The following SEZ6L variants were observed in gnomAD, a reference collection of about 807,000 sequenced individuals.
SEZ6L encodes the protein seizure 6-like protein.
SEZ6L carries 37 observed loss-of-function variants against 106.2 expected under a neutral mutation model. The observed-to-expected ratio is 0.35, with a 90% CI of 0.27 to 0.46. The LOEUF (loss-of-function observed/expected upper bound fraction) is 0.46. Ranked by LOEUF, SEZ6L falls within the 20% of genes least tolerant of loss-of-function variation. The pLI, the probability that SEZ6L is intolerant of heterozygous loss-of-function variation, is 1.00. For synonymous variants in SEZ6L, 541 were observed against 570.4 expected, an observed-to-expected ratio of 0.95 and a Z score of 0.73; for missense variants, 1,172 against 1,332.8, an observed-to-expected ratio of 0.88 and a Z score of 1.88.
At chr22:26,338,742 G>C (rs1418625474) in intron 9 of SEZ6L, among the ~76,000 whole-genome samples, 13 of 151,860 alleles carry the variant, frequency 8.6e-5, no homozygotes, top group African/African-American at 3.1e-4. Flanking sequence ...TTTTTTAGTA[G>C]AGACGGGGTT....
chr22:26,351,108 C>T lies in SEZ6L; in HGVS notation c.2464C>T (p.Pro822Ser), dbSNP rs2083263671. Residue 822 changes from proline to serine, a missense_variant, in exon 12 of 17, where the codon CCT (proline) becomes TCT (serine). Around this residue, in one of 4 missense-constraint regions of SEZ6L, gnomAD observed 534 missense variants for 691.0 expected, o/e 0.77. Coordinates refer to ENST00000248933, the MANE Select transcript of SEZ6L (RefSeq NM_021115.5). The stretch of plus-strand genomic sequence containing the variant: ...TCACTCGACCCGCTTAATTTCGGAT[C>T]CTGTGCTGCTGGTGGGGACCACCAT... ...VDHSTRLISD[P>S]VLLVGTTIQY... The T allele has an allele frequency of 6.2e-7, 1 of 1,614,090 alleles. No homozygotes were observed. Among genetic ancestry groups the T allele is most frequent in the Admixed American group, 1.7e-5 (1 of 60,004 alleles).
intron 1 of SEZ6L, among the ~76,000 whole-genome samples, chr22:26,186,164 G>C (rs879669943): frequency 6.6e-6 from 1 of 152,054 alleles, no homozygotes; most frequent in Non-Finnish European, 1.5e-5. Context: ...GGGAACGGCT[G>C]AGCCAGGGAC....
At chr22:26,331,180 A>G (rs1175797181) in intron 9 of SEZ6L, among the ~76,000 whole-genome samples, 1 of 152,206 alleles carries the variant, frequency 6.6e-6, no homozygotes, top group African/African-American at 2.4e-5. Context: ...ATGCTTAGGC[A>G]TACACTGCCC....
intron 1 of SEZ6L, among the ~76,000 whole-genome samples, chr22:26,175,237 G>A (rs1938899167): frequency 6.6e-6 from 1 of 152,294 alleles, no homozygotes; most frequent in South Asian, 2.1e-4. Flanking sequence ...ATTGAAGTGA[G>A]TCATAAGGTA....
At chr22:26,324,538 T>C (rs116493939) in intron 9 of SEZ6L, among the ~76,000 whole-genome samples, 1,627 of 152,326 alleles carry the variant, frequency 0.011, 24 homozygotes, top group African/African-American at 0.038. Context: ...GTAAGAATTC[T>C]ACCTGAGAGC....
chr22:26,380,512 A>G lies in SEZ6L; in HGVS notation c.*217A>G, dbSNP rs988114468. On this transcript the variant is annotated 3_prime_UTR_variant, in exon 17 of 17. Transcript: ENST00000248933. ...ATGTTTCGCGGCCTCAGCCAAATTC[A>G]TGTTACAGCCTCAATTCTGAAGGCA... The G allele has an allele frequency of 6.8e-6, 3 of 440,094 alleles. No homozygotes were observed. The highest frequency in any genetic ancestry group is 3.3e-5 in the East Asian group (1 of 30,676). The allele number at this position is 440,094 out of a possible 1,614,324, so 27.3% of individuals were successfully genotyped here.
chr22:26,234,803 T>A (rs1339813425), intron 1 of SEZ6L, among the ~76,000 whole-genome samples: 1 of 152,198 alleles, frequency 6.6e-6, no homozygotes, highest in African/African-American at 2.4e-5. Context: ...CAGCCACATA[T>A]ACAAATAATT....
intron 1 of SEZ6L, among the ~76,000 whole-genome samples, chr22:26,248,662 A>G (rs1209383): frequency 0.21 from 32,510 of 152,190 alleles, 4,063 homozygotes; most frequent in South Asian, 0.32. Context: ...TGCATCGAAG[A>G]TCCTCTCTTG....
Position 26,380,277 on chromosome 22 carries a change from G to A in SEZ6L, c.3057G>A (p.Glu1019=). The A allele has an allele frequency of 6.2e-7, 1 of 1,613,714 alleles. No individual in the cohort carries two copies. The highest frequency in any genetic ancestry group is 2.2e-5 in the East Asian group (1 of 44,880). The change falls in exon 17 of 17, where the codon GAG becomes GAA. Residue 1019 remains glutamate, a synonymous_variant. Transcript: ENST00000248933. The stretch of plus-strand genomic sequence containing the variant: ...TCTCTCTCTTGCAGGAAACCAGAGA[G>A]TATGAGGTTTCTATCTAAAGAGAGC... ...NPIYETGETR[E]YEVSI is the part of the protein sequence containing the mutation.
intron 1 of SEZ6L, among the ~76,000 whole-genome samples, chr22:26,172,227 G>T (rs879700512): frequency 2.0e-5 from 3 of 152,056 alleles, no homozygotes; most frequent in Non-Finnish European, 4.4e-5. Flanking sequence ...CAAATTTGCT[G>T]CTTCCCCAGT....
chr22:26,240,839 A>G (rs2079103366), intron 1 of SEZ6L, among the ~76,000 whole-genome samples: 1 of 152,138 alleles, frequency 6.6e-6, no homozygotes, highest in Non-Finnish European at 1.5e-5. Context: ...GGAGGGTGTC[A>G]GGTGCTATGG....
chr22:26,378,820 A>G lies in SEZ6L; in HGVS notation c.3045+1045A>G, dbSNP rs115139336. Reference sequence around the variant, plus strand: ...CAGCCATCTCCCAACGTTTGGGGGGAATAAACCTGACTTGTTTCTTATCCT... The same window carrying G: ...CAGCCATCTCCCAACGTTTGGGGGGGATAAACCTGACTTGTTTCTTATCCT... On this transcript the variant is annotated intron_variant, in intron 16 of 16. Transcript: ENST00000248933. Among the ~76,000 whole-genome samples, 932 of 152,270 alleles carry G rather than the reference A, an allele frequency of 6.1e-3. 8 individuals are homozygous for G. Among genetic ancestry groups the G allele is most frequent in the African/African-American group, 0.022 (902 of 41,550 alleles).
chr22:26,188,799 G>T (rs926299295), intron 1 of SEZ6L, among the ~76,000 whole-genome samples: 2 of 152,150 alleles, frequency 1.3e-5, no homozygotes, highest in Non-Finnish European at 2.9e-5. Context: ...CTTAACCCGG[G>T]AGATTATGGT....
chr22:26,366,208 C>A (rs1181023306), intron 13 of SEZ6L, among the ~76,000 whole-genome samples: 1 of 151,998 alleles, frequency 6.6e-6, no homozygotes, highest in Non-Finnish European at 1.5e-5. Flanking sequence ...GCGGTGCATG[C>A]CTGAAGTCCC....
rs2081377948 is a variant in SEZ6L at position 26,299,082 on chromosome 22, C to A, written c.1261C>A (p.Leu421Met). The A allele has an allele frequency of 1.2e-6, 2 of 1,608,268 alleles. No individual in the cohort carries two copies. The highest frequency in any genetic ancestry group is 1.7e-6 in the Non-Finnish European group (2 of 1,177,490). Residue 421 changes from leucine (L) to methionine (M), a missense_variant, in exon 5 of 17, where the codon CTG (leucine) becomes ATG (methionine). Around this residue, in one of 4 missense-constraint regions of SEZ6L, gnomAD observed 534 missense variants for 691.0 expected, o/e 0.77. Transcript: ENST00000248933. ...TGGGGTGGCCCACTTTCACTGCCACCTGGGCTATGAGCTCCAGGGCGCTAA... is the reference window on the plus strand; with the variant it reads ...TGGGGTGGCCCACTTTCACTGCCACATGGGCTATGAGCTCCAGGGCGCTAA... ...SGGVAHFHCH[L>M]GYELQGAKML... is the part of the protein sequence containing the mutation.
intron 1 of SEZ6L, among the ~76,000 whole-genome samples, chr22:26,284,604 CAAA>C (rs137198): frequency 0.013 from 811 of 63,910 alleles, 5 homozygotes; most frequent in African/African-American, 0.035. Flanking sequence ...ATCAGGACTC[CAAA>C]AAAAAAAAAA....
At position 26,377,695 on chromosome 22, in the gene SEZ6L, C is replaced by T. The variant is rs565688176; in HGVS notation, c.2965C>T (p.Arg989Cys). The T allele has an allele frequency of 2.5e-6, 4 of 1,613,790 alleles. No individual in the cohort carries two copies. Among genetic ancestry groups the T allele is most frequent in the South Asian group, 1.1e-5 (1 of 91,062 alleles). Residue 989 changes from arginine (R) to cysteine (C), a missense_variant, in exon 16 of 17, where the codon CGC becomes TGC. This residue lies in a region of SEZ6L where 141 missense variants were observed against 176.0 expected (regional missense o/e 0.80). Transcript: ENST00000248933. ...CAGATGTCGCTACTATTCCAACCTC[C>T]GCCTGCCTCTGATGTACTCCCACCC... ...ITRCRYYSNL[R>C]LPLMYSHPYS... is the part of the protein sequence containing the mutation.
chr22:26,255,610 T>C (rs1198592859), intron 1 of SEZ6L, among the ~76,000 whole-genome samples: 1 of 152,244 alleles, frequency 6.6e-6, no homozygotes, highest in Non-Finnish European at 1.5e-5. Flanking sequence ...GGCCTGTTCC[T>C]GTCTCTGCTA....
intron 1 of SEZ6L, among the ~76,000 whole-genome samples, chr22:26,240,280 C>T (rs898434720): frequency 6.6e-6 from 1 of 152,124 alleles, no homozygotes; most frequent in Non-Finnish European, 1.5e-5. Flanking sequence ...AGCCCCTCCT[C>T]TTTGATGGAA....
Sources: allele counts gnomAD v4.1 joint callset (sites outside exome capture counted in the v4.1 genomes callset), GRCh38; gene constraint gnomAD v4.1.1; regional missense constraint gnomAD v4.1.1; transcripts MANE v1.5; gene names NCBI Gene and HGNC (gene_info 2026-07-23, HGNC 2026-07-21).